CUL3: variants seen among roughly 807,000 people sequenced by gnomAD.
CUL3 encodes the protein cullin 3, also known as cullin-3.
Under a neutral mutation model 89.1 loss-of-function variants are expected in CUL3, and 19 were observed. The observed-to-expected ratio is 0.21, with a 90% CI of 0.15 to 0.31. CUL3 has a LOEUF of 0.31. Ranked by LOEUF, CUL3 falls within the 10% of genes least tolerant of loss-of-function variation. CUL3 has a pLI of 1.00. For missense variants in CUL3, 469 were observed against 942.3 expected (o/e 0.50, Z 6.58); for synonymous variants, 351 against 308.4 (o/e 1.14, Z -1.45).
intron 1 of CUL3, among the ~76,000 whole-genome samples, chr2:224,566,466 T>C (rs1005366888): frequency 1.3e-5 from 2 of 152,204 alleles, no homozygotes; most frequent in African/African-American, 4.8e-5. Context: ...TATGTGCTTC[T>C]CTCCTTTACT....
At chr2:224,525,007 C>A (rs1235487846) in intron 3 of CUL3, among the ~76,000 whole-genome samples, 1 of 131,590 alleles carries the variant, frequency 7.6e-6, no homozygotes, top group African/African-American at 2.7e-5. Flanking sequence ...ACTTATTAAT[C>A]TAAAGAAAGC....
chr2:224,561,845 T>A (rs553711244), intron 1 of CUL3, among the ~76,000 whole-genome samples: 1 of 152,342 alleles, frequency 6.6e-6, no homozygotes, highest in African/African-American at 2.4e-5. Context: ...GTTGACTACA[T>A]ATGCTGAGGT....
intron 6 of CUL3, among the ~76,000 whole-genome samples, chr2:224,510,290 GTTTTTTTTGTT>G (rs768104050): frequency 4.7e-4 from 60 of 128,624 alleles, no homozygotes; most frequent in East Asian, 1.4e-3. Context: ...AGCCTCTCTA[GTTTTTTTTGTT>G]TTTTTTTTGT....
chr2:224,554,129 C>T (rs116378164), intron 2 of CUL3, among the ~76,000 whole-genome samples: 2,833 of 152,192 alleles, frequency 0.019, 110 homozygotes, highest in African/African-American at 0.065. Flanking sequence ...CACACAACTA[C>T]TGATGTTTTT....
rs1259811326 is a variant in CUL3, at chr2:224,470,805, A to T, written c.*3440T>A. The T allele has an allele frequency of 8.7e-6, 2 of 231,156 alleles. No individual in the cohort carries two copies. Among genetic ancestry groups the T allele is most frequent in the African/African-American group, 2.2e-5 (1 of 45,264 alleles). The allele number at this position is 231,156 out of a possible 1,614,324, so 14.3% of individuals were successfully genotyped here. ...CCATATTGCAATGCTTCATGTATTA[A>T]CTTTAGTTTGTCACATTACTATTCA... On this transcript the variant is annotated 3_prime_UTR_variant, in exon 16 of 16. Transcript: ENST00000264414.
chr2:224,555,621 T>A (rs953576411), intron 2 of CUL3, among the ~76,000 whole-genome samples: 1 of 152,146 alleles, frequency 6.6e-6, no homozygotes, highest in Non-Finnish European at 1.5e-5. Context: ...AATCCACTAA[T>A]CCCTGTAATT....
intron 2 of CUL3, among the ~76,000 whole-genome samples, chr2:224,537,741 ATTC>A (rs1376017232): frequency 2.0e-5 from 3 of 152,188 alleles, no homozygotes; most frequent in African/African-American, 4.8e-5. Flanking sequence ...CCCATTAATT[ATTC>A]TTAAGGACTT....
intron 2 of CUL3, among the ~76,000 whole-genome samples, chr2:224,548,490 T>A (rs1317121316): frequency 3.3e-5 from 5 of 152,230 alleles, no homozygotes; most frequent in African/African-American, 1.2e-4. Context: ...GTTAACTTTT[T>A]TTTGTTCAGC....
intron 13 of CUL3, among the ~76,000 whole-genome samples, chr2:224,488,387 G>A (rs1196880607): frequency 6.6e-6 from 1 of 151,798 alleles, no homozygotes; most frequent in Non-Finnish European, 1.5e-5. Context: ...GACTAATAAA[G>A]GAGAGAGAAG....
intron 10 of CUL3, among the ~76,000 whole-genome samples, 166 bp from the exon 11 acceptor site, chr2:224,500,653 G>A (rs1236772393): frequency 7.2e-6 from 1 of 139,432 alleles, no homozygotes; most frequent in Non-Finnish European, 1.5e-5. Context: ...TTGAGACAGA[G>A]TTTCGCTCGT....
chr2:224,515,651 C>G (rs941551260), intron 3 of CUL3, among the ~76,000 whole-genome samples: 1 of 151,970 alleles, frequency 6.6e-6, no homozygotes, highest in Non-Finnish European at 1.5e-5. Context: ...AGAGCTCTAC[C>G]ATATTAACAA....
chr2:224,560,211 C>T (rs968155678), intron 1 of CUL3, among the ~76,000 whole-genome samples: 4 of 152,176 alleles, frequency 2.6e-5, no homozygotes, highest in Admixed American at 2.6e-4. Context: ...CCTAAACCTC[C>T]AATCCTAAAG....
chr2:224,524,158 C>A (rs1257512208), intron 3 of CUL3, among the ~76,000 whole-genome samples: 2 of 152,068 alleles, frequency 1.3e-5, no homozygotes, highest in Non-Finnish European at 2.9e-5. Flanking sequence ...ACTTGTAGGG[C>A]CAAGATTCCG....
At chr2:224,536,387 A>G (rs935005498) in intron 2 of CUL3, among the ~76,000 whole-genome samples, 4 of 151,778 alleles carry the variant, frequency 2.6e-5, no homozygotes, top group Non-Finnish European at 5.9e-5. Flanking sequence ...TACTTCAAAG[A>G]AAGCCTAGCT....
At chr2:224,493,346 A>G (rs1692054840) in intron 13 of CUL3, among the ~76,000 whole-genome samples, 2 of 152,228 alleles carry the variant, frequency 1.3e-5, no homozygotes, top group African/African-American at 4.8e-5. Context: ...TAAAAAGGCT[A>G]GCTAATAAAA....
chr2:224,576,785 G>C (rs540933200), intron 1 of CUL3, among the ~76,000 whole-genome samples: 2 of 151,782 alleles, frequency 1.3e-5, no homozygotes, highest in African/African-American at 2.4e-5. Flanking sequence ...ACATATTATA[G>C]AACATGCAAA....
chr2:224,552,817 C>T (rs1694565081), intron 2 of CUL3, among the ~76,000 whole-genome samples: 1 of 152,072 alleles, frequency 6.6e-6, no homozygotes, highest in Non-Finnish European at 1.5e-5. Context: ...CAGCTAACTG[C>T]CAAAAGCATT....
At chr2:224,542,550 C>CGTGT (rs1257074662) in intron 2 of CUL3, among the ~76,000 whole-genome samples, 6 of 143,140 alleles carry the variant, frequency 4.2e-5, no homozygotes, top group African/African-American at 1.4e-4. Context: ...TGGCTGTGTG[C>CGTGT]GTGTGCGTGT....
chr2:224,573,038 A>G (rs1049793507), intron 1 of CUL3, among the ~76,000 whole-genome samples: 1 of 152,194 alleles, frequency 6.6e-6, no homozygotes, highest in Non-Finnish European at 1.5e-5. Flanking sequence ...GAGCACACAA[A>G]TTATTATTTG....
Sources: allele counts gnomAD v4.1 joint callset (sites outside exome capture counted in the v4.1 genomes callset), GRCh38; gene constraint gnomAD v4.1.1; transcripts MANE v1.5; gene names NCBI Gene and HGNC (gene_info 2026-07-23, HGNC 2026-07-21).